PDS5B: variants seen among roughly 807,000 people sequenced by gnomAD.
PDS5B encodes sister chromatid cohesion protein PDS5 homolog B.
Under a neutral mutation model 184.1 loss-of-function variants are expected in PDS5B, and 51 were observed. That is an observed-to-expected ratio of 0.28 (90% CI 0.22 to 0.35). The LOEUF is 0.35. Among genes scored for constraint, PDS5B ranks in the 10% least tolerant of loss-of-function variants. PDS5B has a pLI of 1.00. For synonymous variants in PDS5B, 566 were observed against 569.2 expected (o/e 0.99, Z 0.08); for missense variants, 1,180 against 1,723.3 (o/e 0.68, Z 5.58).
chr13:32,701,555 C>G (rs1566346743), intron 17 of PDS5B, 117 bp downstream of exon 17: 1 of 607,328 alleles, frequency 1.6e-6, no homozygotes, highest in African/African-American at 1.9e-5. Context: ...ATTGTGTACT[C>G]CTCTGTATAT....
chr13:32,603,598 T>C (rs1190482791), intron 1 of PDS5B, among the ~76,000 whole-genome samples: 1 of 152,230 alleles, frequency 6.6e-6, no homozygotes, highest in Admixed American at 6.5e-5. Flanking sequence ...TGGTTCCATA[T>C]GAATTTTGAA....
intron 19 of PDS5B, among the ~76,000 whole-genome samples, chr13:32,721,310 A>G (rs1341597182): frequency 5.0e-4 from 49 of 98,182 alleles, no homozygotes; most frequent in South Asian, 1.2e-3. Flanking sequence ...GGGCGGGGGA[A>G]CCCCCCACCT....
chr13:32,651,790 T>C lies in PDS5B; in HGVS notation c.109-14T>C, dbSNP rs1339320327. 1 of 1,526,310 alleles carries C rather than the reference T, an allele frequency of 6.6e-7. No homozygotes were observed. The highest frequency in any genetic ancestry group is 9.0e-7 in the Non-Finnish European group (1 of 1,107,262). The allele number at this position is 1,526,310 out of a possible 1,614,324, so 94.5% of individuals were successfully genotyped here. A position where few individuals can be genotyped will look rare whatever the true frequency, so the allele number is the denominator to read the frequency against. On this transcript the variant is annotated splice_polypyrimidine_tract_variant and intron_variant, in intron 2 of 34. Coordinates refer to ENST00000315596, the MANE Select transcript of PDS5B (RefSeq NM_015032.4). ...ATGGAGCATTTCATTATTTGATTTT[T>C]TATTTTTGTATAGATGGTTGTGAAA...
rs557834697 is a variant in PDS5B, at chr13:32,696,093, ACT to A, written c.1552-760_1552-759del. Among the ~76,000 whole-genome samples, 370 of 152,152 alleles carry A rather than the reference ACT, an allele frequency of 2.4e-3. 2 individuals carry two copies. The highest frequency in any genetic ancestry group is 8.1e-3 in the African/African-American group (335 of 41,540). On this transcript the variant is annotated intron_variant, in intron 14 of 34. Coordinates refer to ENST00000315596, the MANE Select transcript of PDS5B (RefSeq NM_015032.4). ...CAAATAGTTGGGAATTAATTCTTGA[ACT>A]TTATTACGCTTTAACTCTCAGTTCC...
intron 19 of PDS5B, among the ~76,000 whole-genome samples, chr13:32,723,212 AT>A (rs750771249): frequency 2.2e-4 from 34 of 152,170 alleles, no homozygotes; most frequent in Non-Finnish European, 4.0e-4. Context: ...GTTGAAAAAA[AT>A]GTTTCCAAAT....
chr13:32,615,740 C>G (rs2058208819), intron 1 of PDS5B, among the ~76,000 whole-genome samples: 1 of 152,074 alleles, frequency 6.6e-6, no homozygotes, highest in Non-Finnish European at 1.5e-5. Flanking sequence ...TGTTGCTTCT[C>G]TTAATAAGCA....
At chr13:32,742,520 T>TA (rs1189904331) in intron 22 of PDS5B, 71 bp from the exon 23 acceptor site, 14 of 1,318,128 alleles carry the variant, frequency 1.1e-5, no homozygotes, top group African/African-American at 3.0e-5. Context: ...ATTTTATTTT[T>TA]AAAAAAAGTT....
chr13:32,586,990 C>G (rs1352671542), intron 1 of PDS5B, among the ~76,000 whole-genome samples: 2 of 140,810 alleles, frequency 1.4e-5, no homozygotes, highest in South Asian at 2.2e-4. Context: ...CCCGCGCCCT[C>G]CCGCCGCCGC....
At chr13:32,659,546 A>G (rs982417290) in intron 6 of PDS5B, among the ~76,000 whole-genome samples, 2 of 152,160 alleles carry the variant, frequency 1.3e-5, no homozygotes, top group Non-Finnish European at 2.9e-5. Context: ...AGTTAGTAGT[A>G]GCTACTTAGA....
intron 1 of PDS5B, among the ~76,000 whole-genome samples, chr13:32,599,243 G>T (rs905607118): frequency 2.0e-5 from 3 of 151,998 alleles, no homozygotes; most frequent in Admixed American, 2.0e-4. Flanking sequence ...TATTCTGTTT[G>T]GAGTTTGCTG....
At position 32,667,718 on chromosome 13, in the gene PDS5B, T is replaced by C. The variant is rs779984796; in HGVS notation, c.625-46T>C. On this transcript the variant is annotated intron_variant, in intron 6 of 34. Transcript: ENST00000315596. ...TTTGAATACAGGTAATATTTTGCTTTTCATAGTTAGAGATATATAATATAG... is the reference window on the plus strand; with the variant it reads ...TTTGAATACAGGTAATATTTTGCTTCTCATAGTTAGAGATATATAATATAG... 4 of 1,185,260 alleles carry C rather than the reference T, an allele frequency of 3.4e-6. No homozygotes were observed. The South Asian group carries it at 5.7e-5, about 17-fold the overall frequency. The allele number at this position is 1,185,260 out of a possible 1,614,324, so 73.4% of individuals were successfully genotyped here.
chr13:32,663,189 C>T (rs1294871115), intron 6 of PDS5B, among the ~76,000 whole-genome samples: 1 of 152,022 alleles, frequency 6.6e-6, no homozygotes. Flanking sequence ...AAACCCGTTA[C>T]CAGGGATTTC....
At chr13:32,605,621 T>C (rs779464201) in intron 1 of PDS5B, among the ~76,000 whole-genome samples, 1 of 152,190 alleles carries the variant, frequency 6.6e-6, no homozygotes, top group East Asian at 1.9e-4. Context: ...AAGTCCTGGA[T>C]ATCCTTGTTA....
chr13:32,617,550 C>T (rs1444988907), intron 1 of PDS5B, among the ~76,000 whole-genome samples: 3 of 152,128 alleles, frequency 2.0e-5, no homozygotes, highest in Admixed American at 1.3e-4. Flanking sequence ...ATTCAGGGCC[C>T]GTTTGATTCA....
chr13:32,637,012 C>T (rs954350148), intron 1 of PDS5B, among the ~76,000 whole-genome samples: 1 of 152,032 alleles, frequency 6.6e-6, no homozygotes, highest in African/African-American at 2.4e-5. Context: ...TTAGTGTCTT[C>T]AAGGAATAGA....
chr13:32,616,859 A>G (rs2058227830), intron 1 of PDS5B, among the ~76,000 whole-genome samples: 1 of 152,158 alleles, frequency 6.6e-6, no homozygotes, highest in African/African-American at 2.4e-5. Context: ...TTTACTGTTT[A>G]TTTCTGAAAA....
intron 7 of PDS5B, among the ~76,000 whole-genome samples, chr13:32,671,858 C>T (rs1463694467): frequency 6.6e-6 from 1 of 152,192 alleles, no homozygotes; most frequent in Admixed American, 6.5e-5. Flanking sequence ...ATCCTTGACT[C>T]CTTCTCCGCT....
chr13:32,705,050 TTAG>T (rs1358834283), intron 17 of PDS5B, among the ~76,000 whole-genome samples: 1 of 152,184 alleles, frequency 6.6e-6, no homozygotes, highest in Admixed American at 6.5e-5. Context: ...TACCTGGCTG[TTAG>T]TAGTTCAGTT....
chr13:32,716,933 T>C (rs7998266), intron 19 of PDS5B, among the ~76,000 whole-genome samples: 81,908 of 82,046 alleles, frequency 1, 40,895 homozygotes, highest in Middle Eastern at 1. Context: ...TGAGGAGCCC[T>C]TTTGCCCGGC....
Sources: allele counts gnomAD v4.1 joint callset (sites outside exome capture counted in the v4.1 genomes callset), GRCh38; gene constraint gnomAD v4.1.1; transcripts MANE v1.5; gene names NCBI Gene and HGNC (gene_info 2026-07-23, HGNC 2026-07-21).